NMNAT2: variants seen among roughly 807,000 people sequenced by gnomAD.
NMNAT2 encodes nicotinamide nucleotide adenylyltransferase 2, also known as nicotinamide/nicotinic acid mononucleotide adenylyltransferase 2.
In NMNAT2, 11 loss-of-function variants were observed where a neutral mutation model predicts 41.6. That is an observed-to-expected ratio of 0.26 (90% CI 0.17 to 0.44). NMNAT2 has a LOEUF of 0.44. Among genes scored for constraint, NMNAT2 ranks in the 20% least tolerant of loss-of-function variants. The probability of loss-of-function intolerance (pLI) is 1.00; values close to 1 mark genes in which losing one functional copy is unlikely to be tolerated. For synonymous variants in NMNAT2, 148 were observed against 151.2 expected, an observed-to-expected ratio of 0.98 and a Z score of 0.16; for missense variants, 288 against 407.7, an observed-to-expected ratio of 0.71 and a Z score of 2.53.
At position 183,285,902 on chromosome 1, in the gene NMNAT2, G is replaced by A. The variant is rs368454497; in HGVS notation, c.448+760C>T. On this transcript the variant is annotated intron_variant, in intron 5 of 10. Coordinates refer to ENST00000287713, the MANE Select transcript of NMNAT2 (RefSeq NM_015039.4). The stretch of plus-strand genomic sequence containing the variant: ...TGTTGGTGCTCTCTGTCACTGGATT[G>A]ATGGCTAAGAGTGTGGGGATTCTGG... Among the ~76,000 whole-genome samples, 10 of 152,286 alleles carry A rather than the reference G, an allele frequency of 6.6e-5. No homozygotes were observed. The East Asian group carries it at 1.7e-3, about 26-fold the overall frequency.
At chr1:183,301,563 C>T (rs1661853630) in intron 1 of NMNAT2, among the ~76,000 whole-genome samples, 1 of 152,220 alleles carries the variant, frequency 6.6e-6, no homozygotes, top group Non-Finnish European at 1.5e-5. Flanking sequence ...ATTTGGTCAC[C>T]ATCTTTGCTC....
At position 183,396,435 on chromosome 1, in the gene NMNAT2, T is replaced by C. The variant is rs145057279; in HGVS notation, c.85+21748A>G. Among the ~76,000 whole-genome samples the C allele has an allele frequency of 1.4e-3, 218 of 151,810 alleles. 4 individuals are homozygous for C. The East Asian group carries it at 0.039, about 27-fold the overall frequency. ...CAGCTTCCCAATAAGACCTCAGGAG[T>C]TGGGCGAGTGGGCTCAAGCATGTGC... On this transcript the variant is annotated intron_variant, in intron 1 of 10. Transcript: ENST00000287713.
intron 1 of NMNAT2, among the ~76,000 whole-genome samples, chr1:183,299,303 G>A (rs964456855): frequency 2.0e-5 from 3 of 151,984 alleles, no homozygotes; most frequent in African/African-American, 7.3e-5. Context: ...TTGAACCTGG[G>A]AGGTGGAGGT....
At chr1:183,293,919 A>G in intron 1 of NMNAT2, 126 bp from the exon 2 acceptor site, 1 of 685,832 alleles carries the variant, frequency 1.5e-6, no homozygotes, top group Non-Finnish European at 2.5e-6. Context: ...CCATTTAAAT[A>G]GAAAATGTCA....
chr1:183,256,910 C>G (rs1333518807), intron 10 of NMNAT2, among the ~76,000 whole-genome samples: 2 of 151,954 alleles, frequency 1.3e-5, no homozygotes, highest in Non-Finnish European at 2.9e-5. Context: ...TGCCACCATG[C>G]CTGGATAATT....
intron 1 of NMNAT2, among the ~76,000 whole-genome samples, chr1:183,368,029 T>G (rs1663451346): frequency 6.6e-6 from 1 of 152,174 alleles, no homozygotes; most frequent in South Asian, 2.1e-4. Flanking sequence ...TATGTATGTC[T>G]GCTGAATGTG....
At chr1:183,369,724 T>G (rs146246473) in intron 1 of NMNAT2, among the ~76,000 whole-genome samples, 69 of 152,188 alleles carry the variant, frequency 4.5e-4, no homozygotes, top group African/African-American at 1.7e-3. Flanking sequence ...TTTCATCTTC[T>G]CAAACTGAAA....
chr1:183,304,566 C>A, intron 1 of NMNAT2: 1 of 1,107,996 alleles, frequency 9.0e-7, no homozygotes, highest in Non-Finnish European at 1.3e-6. Context: ...CCCTGCAAAC[C>A]TTGAGAAGCT....
intron 1 of NMNAT2, among the ~76,000 whole-genome samples, chr1:183,401,893 C>T (rs1429877085): frequency 7.5e-6 from 1 of 133,052 alleles, no homozygotes; most frequent in Non-Finnish European, 1.5e-5. Context: ...GGATGGGGAA[C>T]ATCACACATG....
intron 1 of NMNAT2, among the ~76,000 whole-genome samples, chr1:183,415,273 A>C (rs79252467): frequency 6.6e-6 from 1 of 152,332 alleles, no homozygotes; most frequent in East Asian, 1.9e-4. Context: ...GTGAGCCACC[A>C]CACCTGGCCA....
At position 183,386,007 on chromosome 1, in the gene NMNAT2, G is replaced by A. The variant is rs1168705225; in HGVS notation, c.85+32176C>T. Among the ~76,000 whole-genome samples, 8 of 152,284 alleles carry A rather than the reference G, an allele frequency of 5.3e-5. No homozygotes were observed. In the South Asian group the frequency reaches 1.5e-3, roughly 28 times the overall value. ...GCATAGAAGGGAACTGGGCCACAAT[G>A]TCAGGGAAGCTCCAGAGAAGAGACA... is the stretch of plus-strand genomic sequence containing the variant. On this transcript the variant is annotated intron_variant, in intron 1 of 10. Coordinates refer to ENST00000287713, the MANE Select transcript of NMNAT2 (RefSeq NM_015039.4).
intron 1 of NMNAT2, among the ~76,000 whole-genome samples, chr1:183,382,792 C>T (rs1663829310): frequency 6.6e-6 from 1 of 152,242 alleles, no homozygotes; most frequent in Admixed American, 6.5e-5. Flanking sequence ...CCTTGGGCAT[C>T]TCTGCCCCTT....
At chr1:183,267,391 T>TGTCGAGGG (rs1660845423) in intron 8 of NMNAT2, 1 of 152,216 alleles carries the variant, frequency 6.6e-6, no homozygotes, top group Non-Finnish European at 1.5e-5. Context: ...ATATAGCATG[T>TGTCGAGGG]GTCGAGGGGC....
At chr1:183,282,721 G>A (rs1661302082) in intron 7 of NMNAT2, 1 of 152,170 alleles carries the variant, frequency 6.6e-6, no homozygotes, top group African/African-American at 2.4e-5. Context: ...TGGGTGTTCT[G>A]GGTCTGGAGA....
chr1:183,394,006 C>T (rs1016028927), intron 1 of NMNAT2, among the ~76,000 whole-genome samples: 3 of 152,104 alleles, frequency 2.0e-5, no homozygotes, highest in Non-Finnish European at 4.4e-5. Flanking sequence ...GGACAATAAA[C>T]AAATAAATGA....
intron 8 of NMNAT2, among the ~76,000 whole-genome samples, chr1:183,270,196 TG>T (rs1660948687): frequency 6.6e-6 from 1 of 152,234 alleles, no homozygotes; most frequent in African/African-American, 2.4e-5. Flanking sequence ...GAAACTTTTT[TG>T]GTTAAAGAAG....
At chr1:183,410,988 G>A (rs1353414415) in intron 1 of NMNAT2, among the ~76,000 whole-genome samples, 3 of 152,070 alleles carry the variant, frequency 2.0e-5, no homozygotes, top group Non-Finnish European at 4.4e-5. Flanking sequence ...AAAGTGCTGG[G>A]ATTACAGGTG....
At chr1:183,387,347 G>A (rs367838733) in intron 1 of NMNAT2, among the ~76,000 whole-genome samples, 1 of 151,224 alleles carries the variant, frequency 6.6e-6, no homozygotes, top group East Asian at 2.0e-4. Context: ...GGATAGATAA[G>A]ACTAGTAAGA....
chr1:183,323,293 A>G (rs916812138), intron 1 of NMNAT2, among the ~76,000 whole-genome samples: 3 of 152,118 alleles, frequency 2.0e-5, no homozygotes, highest in Non-Finnish European at 4.4e-5. Flanking sequence ...CCTCCCTGCA[A>G]TGGTGACACC....
Sources: gnomAD v4.1 joint callset for allele counts (sites outside exome capture counted in the v4.1 genomes callset) on GRCh38, gnomAD v4.1.1 for gene constraint, MANE v1.5 for transcripts, NCBI Gene and HGNC (gene_info 2026-07-23, HGNC 2026-07-21) for gene names.